Variants in CALB2 observed in about 807,000 individuals in gnomAD.
CALB2 encodes the protein calretinin.
CALB2 carries 34 observed loss-of-function variants against 45.9 expected under a neutral mutation model. The observed-to-expected ratio is 0.74, with a 90% CI of 0.56 to 0.99. The LOEUF is 0.99. Ranked by LOEUF, CALB2 falls within the 50% of genes least tolerant of loss-of-function variation. The pLI is 0.00. For synonymous variants in CALB2, 142 were observed against 129.6 expected (o/e 1.10, Z -0.65); for missense variants, 344 against 339.3 (o/e 1.01, Z -0.11).
At chr16:71,382,016 AGAG>A (rs67417266) in intron 4 of CALB2, among the ~76,000 whole-genome samples, 55,712 of 86,174 alleles carry the variant, frequency 0.65, 17,523 homozygotes, top group Middle Eastern at 0.79. Context: ...CTGTCTCAAA[AGAG>A]GAGGAGGAGG....
chr16:71,378,175 C>T (rs2144981989), intron 4 of CALB2, among the ~76,000 whole-genome samples: 1 of 152,088 alleles, frequency 6.6e-6, no homozygotes, highest in East Asian at 1.9e-4. Context: ...AGTGAGCCGA[C>T]ATAGCACCAC....
At chr16:71,388,816 T>C (rs1326965445) in intron 10 of CALB2, among the ~76,000 whole-genome samples, 5 of 139,400 alleles carry the variant, frequency 3.6e-5, no homozygotes, top group South Asian at 2.3e-4. Flanking sequence ...CCCCCGTCTC[T>C]ACTAAAAAAA....
intron 10 of CALB2, among the ~76,000 whole-genome samples, chr16:71,387,003 G>A (rs1567545339): frequency 6.6e-6 from 1 of 152,218 alleles, no homozygotes; most frequent in East Asian, 1.9e-4. Flanking sequence ...AATTCTAGGA[G>A]AAAATTATGT....
At chr16:71,372,297 C>A in intron 2 of CALB2, 68 bp downstream of exon 2, 2 of 1,134,142 alleles carry the variant, frequency 1.8e-6, no homozygotes, top group South Asian at 1.3e-5. Context: ...TGCTGTGTCC[C>A]AGTTATGTAT....
At chr16:71,359,443 G>A (rs1205010452) in intron 1 of CALB2, among the ~76,000 whole-genome samples, 2 of 152,170 alleles carry the variant, frequency 1.3e-5, no homozygotes. Flanking sequence ...TCCAGCCGCC[G>A]TGGGCATGTA....
intron 1 of CALB2, among the ~76,000 whole-genome samples, chr16:71,361,459 C>T (rs552352745): frequency 3.9e-5 from 6 of 152,274 alleles, no homozygotes; most frequent in African/African-American, 1.2e-4. Flanking sequence ...TTCTGGTTTC[C>T]GTTTTCAACA....
At chr16:71,384,275 C>T (rs2042537301) in intron 7 of CALB2, 64 bp from the exon 8 acceptor site, 1 of 1,357,004 alleles carries the variant, frequency 7.4e-7, no homozygotes, top group East Asian at 2.3e-5. Context: ...CCTCTGCCTT[C>T]CCCTCTCCCG....
Position 71,389,745 on chromosome 16 carries a change from C to T in CALB2, c.700-4C>T. On this transcript the variant is annotated splice_region_variant and splice_polypyrimidine_tract_variant and intron_variant, in intron 10 of 10. Coordinates refer to ENST00000302628, the MANE Select transcript of CALB2 (RefSeq NM_001740.5). ...TGCTCTTACCCTCTCCCTGTATTTC[C>T]TAGGAAATGAATATTCAACAGCTCA... 6.2e-7 allele frequency: 1 copy of T among 1,610,814 alleles called. No homozygotes were observed. Among genetic ancestry groups the T allele is most frequent in the Non-Finnish European group, 8.5e-7 (1 of 1,177,304 alleles).
At chr16:71,382,814 C>G in intron 5 of CALB2, 39 bp downstream of exon 5, 1 of 1,572,618 alleles carries the variant, frequency 6.4e-7, no homozygotes, top group Non-Finnish European at 8.6e-7. Context: ...GCCAGAGTGG[C>G]GGTGGGCTTA....
At chr16:71,360,654 T>C (rs1288224725) in intron 1 of CALB2, among the ~76,000 whole-genome samples, 1 of 152,180 alleles carries the variant, frequency 6.6e-6, no homozygotes, top group African/African-American at 2.4e-5. Flanking sequence ...TAGTTCTACT[T>C]TCCCCCATTC....
rs752017662 is a variant in CALB2 at position 71,370,785 on chromosome 16, AC to A, written c.95-1367del. 6.6e-5 allele frequency among the ~76,000 whole-genome samples: 10 copies of A among 152,340 alleles called. No individual in the cohort carries two copies. The South Asian group carries it at 2.1e-3, about 32-fold the overall frequency. ...TTTGCCACAGCAAAGTCTAGGAGGC[AC>A]GGCCTGAGCCCTGCCTGATTTCCCA... On this transcript the variant is annotated intron_variant, in intron 1 of 10. Coordinates refer to ENST00000302628, the MANE Select transcript of CALB2 (RefSeq NM_001740.5).
intron 6 of CALB2, among the ~76,000 whole-genome samples, chr16:71,383,763 G>GA (rs1371278393): frequency 1.3e-5 from 2 of 152,108 alleles, no homozygotes; most frequent in African/African-American, 4.8e-5. Context: ...CTGAGGAGGG[G>GA]AGAGAGGAGC....
chr16:71,368,376 G>A (rs1041535211), intron 1 of CALB2, among the ~76,000 whole-genome samples: 27 of 152,140 alleles, frequency 1.8e-4, no homozygotes, highest in Admixed American at 1.8e-3. Context: ...AATTATTCAG[G>A]CATGTGCCCG....
chr16:71,365,421 C>G (rs2042273685), intron 1 of CALB2, among the ~76,000 whole-genome samples: 1 of 152,208 alleles, frequency 6.6e-6, no homozygotes, highest in Non-Finnish European at 1.5e-5. Context: ...TGCACCCCAT[C>G]CCCAGAGACT....
intron 8 of CALB2, 139 bp downstream of exon 8, chr16:71,384,517 A>C: frequency 2.1e-5 from 15 of 729,192 alleles, no homozygotes; most frequent in Non-Finnish European, 3.7e-5. Flanking sequence ...CACCACACAC[A>C]CAACACACAC....
chr16:71,382,890 C>A, intron 5 of CALB2, 115 bp downstream of exon 5: 2 of 865,840 alleles, frequency 2.3e-6, no homozygotes, highest in Admixed American at 2.6e-5. Context: ...TAGGAATACT[C>A]AGACCTGGCA....
chr16:71,385,464 C>T (rs2042559680), intron 9 of CALB2, 113 bp from the exon 10 acceptor site: 14 of 757,420 alleles, frequency 1.8e-5, no homozygotes, highest in Non-Finnish European at 3.0e-5. Context: ...ATCTGAACAC[C>T]CCCTTTTGCA....
At chr16:71,358,940 AAGGGGGC>A (rs968030519) in intron 1 of CALB2, 54 bp downstream of exon 1, 2 of 1,509,324 alleles carry the variant, frequency 1.3e-6, no homozygotes, top group Admixed American at 1.8e-5. Context: ...ACCTGCGGTG[AAGGGGGC>A]AGGGGGCGGC....
At position 71,383,401 on chromosome 16, in the gene CALB2, G is replaced by A. The variant is rs200527047; in HGVS notation, c.434G>A (p.Arg145Gln). Reference sequence around the variant, plus strand: ...TCAGACCTGCTGAAGAAGGCGAACCGGCCGTACGATGAGCCCAAGCTCCAG... The same window carrying A: ...TCAGACCTGCTGAAGAAGGCGAACCAGCCGTACGATGAGCCCAAGCTCCAG... The part of the protein sequence containing the change: ...FLSDLLKKAN[R>Q]PYDEPKLQEY... The change falls in exon 6 of 11, where the codon CGG becomes CAG. Residue 145 changes from arginine to glutamine, a missense_variant. Transcript: ENST00000302628. 7 of 1,614,092 alleles carry A rather than the reference G, an allele frequency of 4.3e-6. No individual in the cohort carries two copies. Among genetic ancestry groups the A allele is most frequent in the East Asian group, 2.2e-5 (1 of 44,872 alleles).
Sources: gnomAD v4.1 joint callset for allele counts (sites outside exome capture counted in the v4.1 genomes callset) on GRCh38, gnomAD v4.1.1 for gene constraint, MANE v1.5 for transcripts, NCBI Gene and HGNC (gene_info 2026-07-23, HGNC 2026-07-21) for gene names.